Variants in CHLSN observed in about 807,000 individuals in gnomAD.
CHLSN encodes the protein cholesin.
the CHLSN span, chr7:1,057,519 T>C: frequency 1.3e-6 from 1 of 768,274 alleles, no homozygotes; most frequent in Non-Finnish European, 2.4e-6. Context: ...GGCCGCCATG[T>C]GGAGCTGCAG....
the CHLSN span, among the ~76,000 whole-genome samples, chr7:1,029,910 C>T: frequency 6.6e-6 from 1 of 152,320 alleles, no homozygotes; most frequent in Middle Eastern, 3.4e-3. Flanking sequence ...GGACTGGAGG[C>T]CTCCTGGAGC....
the CHLSN span, among the ~76,000 whole-genome samples, chr7:995,684 T>C: frequency 6.6e-6 from 1 of 152,270 alleles, no homozygotes; most frequent in East Asian, 1.9e-4. Flanking sequence ...AGCAGCCGGA[T>C]CGCAGGCACC....
chr7:997,836 G>T, the CHLSN span: 2 of 1,584,628 alleles, frequency 1.3e-6, no homozygotes, highest in East Asian at 2.3e-5. Context: ...TTGGTCAGGG[G>T]CGGGGCAGGG....
At chr7:984,501 G>A in the CHLSN span, 36 of 1,552,806 alleles carry the variant, frequency 2.3e-5, no homozygotes, top group African/African-American at 3.5e-4. Context: ...TCAAAGAGGC[G>A]CTGGCGGGCC....
chr7:1,049,012 A>G, the CHLSN span, among the ~76,000 whole-genome samples: 2 of 152,128 alleles, frequency 1.3e-5, no homozygotes, highest in Admixed American at 1.3e-4. Context: ...AAGCCTCTGC[A>G]GTCTGAGCGT....
the CHLSN span, among the ~76,000 whole-genome samples, chr7:1,070,963 CGCACACGGGCACAT>C: frequency 4.7e-5 from 7 of 150,506 alleles, no homozygotes; most frequent in South Asian, 2.1e-4. Flanking sequence ...AGCACAGACA[CGCACACGGGCACAT>C]GCACACGGGC....
chr7:987,845 C>G, the CHLSN span, among the ~76,000 whole-genome samples: 1 of 149,094 alleles, frequency 6.7e-6, no homozygotes, highest in Non-Finnish European at 1.5e-5. Context: ...CCTCTGTATC[C>G]TGGGGGGGTC....
chr7:1,099,815 T>C, the CHLSN span, among the ~76,000 whole-genome samples: 42 of 152,332 alleles, frequency 2.8e-4, no homozygotes, highest in Middle Eastern at 6.8e-3. Flanking sequence ...CGCAGACACG[T>C]CTCACTAGGC....
the CHLSN span, chr7:1,093,460 G>A: frequency 4.3e-6 from 2 of 467,576 alleles, no homozygotes; most frequent in East Asian, 7.0e-5. Context: ...CAGCAATGGC[G>A]CTGTGCGGCC....
chr7:1,073,784 C>A, the CHLSN span, among the ~76,000 whole-genome samples: 4 of 115,488 alleles, frequency 3.5e-5, no homozygotes, highest in African/African-American at 1.0e-4. Flanking sequence ...CGACCCCCCA[C>A]CCCGCTGCCG....
chr7:983,799 T>C, the CHLSN span, among the ~76,000 whole-genome samples: 1 of 152,192 alleles, frequency 6.6e-6, no homozygotes, highest in Admixed American at 6.5e-5. Context: ...TGAGCCTCTG[T>C]TTCCTCATCT....
At chr7:1,064,192 G>A in the CHLSN span, among the ~76,000 whole-genome samples, 2,948 of 152,294 alleles carry the variant, frequency 0.019, 110 homozygotes, top group East Asian at 0.18. Context: ...CACCGTGACC[G>A]GAAGAGGCTT....
the CHLSN span, among the ~76,000 whole-genome samples, chr7:1,039,159 G>A: frequency 9.0e-5 from 3 of 33,472 alleles, no homozygotes; most frequent in Non-Finnish European, 1.7e-4. Context: ...CCCTCTGCCC[G>A]GCCAGCCGCC....
the CHLSN span, among the ~76,000 whole-genome samples, chr7:985,918 G>T: frequency 6.6e-6 from 1 of 152,158 alleles, no homozygotes. Flanking sequence ...TGAGTGAGCA[G>T]CGGTGGGTTC....
At chr7:1,114,093 T>C in the CHLSN span, among the ~76,000 whole-genome samples, 1 of 152,230 alleles carries the variant, frequency 6.6e-6, no homozygotes. Context: ...ATGGCAAGCT[T>C]TCCCACTGTA....
the CHLSN span, among the ~76,000 whole-genome samples, chr7:1,002,431 G>A: frequency 1.6e-5 from 2 of 128,002 alleles, no homozygotes; most frequent in East Asian, 2.6e-4. Context: ...TCCTGTGGGT[G>A]GGGAGTCCTG....
the CHLSN span, among the ~76,000 whole-genome samples, chr7:1,125,845 A>G: frequency 6.6e-6 from 1 of 152,242 alleles, no homozygotes; most frequent in African/African-American, 2.4e-5. Context: ...GCGCGTCGTC[A>G]GATTTCACTT....
the CHLSN span, among the ~76,000 whole-genome samples, chr7:1,124,745 C>CA: frequency 6.4e-3 from 787 of 122,114 alleles, 5 homozygotes; most frequent in South Asian, 0.017. Context: ...TAAAAAAGCA[C>CA]AAAAAAAAAA....
the CHLSN span, among the ~76,000 whole-genome samples, chr7:1,116,015 G>A: frequency 2.6e-3 from 310 of 120,140 alleles, 12 homozygotes; most frequent in African/African-American, 8.4e-3. Flanking sequence ...CGACGCCCAC[G>A]CAGGATGATG....
Sources: allele counts gnomAD v4.1 joint callset (sites outside exome capture counted in the v4.1 genomes callset), GRCh38; gene constraint gnomAD v4.1.1; transcripts MANE v1.5; gene names NCBI Gene and HGNC (gene_info 2026-07-23, HGNC 2026-07-21).